Variants in KIAA0825 observed in about 807,000 individuals in gnomAD.
The protein encoded by KIAA0825 is KIAA0825, also known as uncharacterized protein KIAA0825.
Under a neutral mutation model 147.6 loss-of-function variants are expected in KIAA0825, and 119 were observed. The observed-to-expected ratio is 0.81, with a 90% CI of 0.69 to 0.94. The LOEUF is 0.94. Ranked by LOEUF, KIAA0825 falls within the 40% of genes least tolerant of loss-of-function variation. KIAA0825 has a pLI of 0.00. For synonymous variants in KIAA0825, 470 were observed against 518.1 expected, an observed-to-expected ratio of 0.91 and a Z score of 1.26; for missense variants, 1,381 against 1,472.7, an observed-to-expected ratio of 0.94 and a Z score of 1.02.
chr5:94,422,972 C>CT (rs1208886265), intron 14 of KIAA0825, among the ~76,000 whole-genome samples: 1 of 152,188 alleles, frequency 6.6e-6, no homozygotes, highest in Admixed American at 6.6e-5. Context: ...AGTGACTCAT[C>CT]TGAGTGTTGA....
At chr5:94,188,317 T>C (rs940654946) in intron 20 of KIAA0825, among the ~76,000 whole-genome samples, 1 of 152,230 alleles carries the variant, frequency 6.6e-6, no homozygotes, top group African/African-American at 2.4e-5. Flanking sequence ...TTATTGTAAT[T>C]TGTAAGTATT....
chr5:94,166,432 G>T (rs956336637), intron 20 of KIAA0825, among the ~76,000 whole-genome samples: 1 of 151,138 alleles, frequency 6.6e-6, no homozygotes, highest in Non-Finnish European at 1.5e-5. Flanking sequence ...CGTAATTCAG[G>T]TATTTCTTCC....
chr5:94,492,115 TC>T lies in KIAA0825; in HGVS notation c.971-7186del, dbSNP rs148945698. On this transcript the variant is annotated intron_variant, in intron 5 of 20. Transcript: ENST00000682413. ...GGACTCCTCCTCCTCTCTCTGTCTT[TC>T]CCCACTTCTGGTGTCGCCATCCCAC... Among the ~76,000 whole-genome samples the T allele has an allele frequency of 4.9e-3, 748 of 152,334 alleles. 9 individuals carry two copies. Among genetic ancestry groups the T allele is most frequent in the African/African-American group, 0.017 (686 of 41,572 alleles).
intron 20 of KIAA0825, among the ~76,000 whole-genome samples, chr5:94,344,396 A>G (rs756709557): frequency 6.6e-6 from 1 of 152,256 alleles, no homozygotes; most frequent in Admixed American, 6.5e-5. Flanking sequence ...CAAATCTACA[A>G]TGAAAACACA....
intron 2 of KIAA0825, among the ~76,000 whole-genome samples, chr5:94,554,074 A>G (rs1347562064): frequency 6.6e-6 from 1 of 152,238 alleles, no homozygotes; most frequent in East Asian, 1.9e-4. Context: ...TTGTGAAAAA[A>G]TAAAATGTGC....
chr5:94,298,717 A>G (rs1778252225), intron 20 of KIAA0825, among the ~76,000 whole-genome samples: 1 of 152,210 alleles, frequency 6.6e-6, no homozygotes, highest in Non-Finnish European at 1.5e-5. Flanking sequence ...GAATCTATAG[A>G]ATTGCCAAAA....
intron 2 of KIAA0825, among the ~76,000 whole-genome samples, chr5:94,575,258 T>C (rs1780781234): frequency 6.6e-6 from 1 of 151,602 alleles, no homozygotes; most frequent in Non-Finnish European, 1.5e-5. Context: ...GGTGTTAAGA[T>C]GGTTTGGTGT....
intron 20 of KIAA0825, among the ~76,000 whole-genome samples, chr5:94,339,756 AC>A (rs1257938821): frequency 6.6e-6 from 1 of 152,192 alleles, no homozygotes; most frequent in Non-Finnish European, 1.5e-5. Context: ...CAAACCTTAT[AC>A]AATTAGGACA....
chr5:94,589,499 T>C (rs1256862226), intron 1 of KIAA0825, among the ~76,000 whole-genome samples: 2 of 152,224 alleles, frequency 1.3e-5, no homozygotes, highest in African/African-American at 4.8e-5. Flanking sequence ...TCTATCAAAG[T>C]TGGGCAAATG....
intron 2 of KIAA0825, among the ~76,000 whole-genome samples, chr5:94,562,516 C>G (rs1198738293): frequency 2.0e-5 from 3 of 152,162 alleles, no homozygotes; most frequent in Non-Finnish European, 4.4e-5. Flanking sequence ...TTTTAATAAT[C>G]CCTGTCAAAC....
At chr5:94,597,592 A>G (rs1489202691) in intron 1 of KIAA0825, among the ~76,000 whole-genome samples, 4 of 152,180 alleles carry the variant, frequency 2.6e-5, no homozygotes, top group African/African-American at 9.7e-5. Context: ...TGACAGTACT[A>G]CCCTGATATC....
intron 20 of KIAA0825, among the ~76,000 whole-genome samples, chr5:94,251,784 T>G (rs1355146807): frequency 2.0e-5 from 3 of 152,058 alleles, no homozygotes; most frequent in African/African-American, 7.2e-5. Flanking sequence ...AGAAATAATG[T>G]AATACAGTGC....
chr5:94,566,072 C>G (rs369446762), intron 2 of KIAA0825, among the ~76,000 whole-genome samples: 6 of 152,266 alleles, frequency 3.9e-5, no homozygotes, highest in African/African-American at 1.4e-4. Context: ...TAATGTCCTC[C>G]AGGTTCATCC....
chr5:94,472,684 C>G (rs1761368228), intron 8 of KIAA0825, among the ~76,000 whole-genome samples: 1 of 152,110 alleles, frequency 6.6e-6, no homozygotes, highest in African/African-American at 2.4e-5. Flanking sequence ...GCGGAGCTTG[C>G]AGTGAGCCGA....
intron 2 of KIAA0825, chr5:94,569,635 C>A: frequency 2.8e-6 from 1 of 361,488 alleles, no homozygotes; most frequent in Non-Finnish European, 5.2e-6. Context: ...CATGATGAAA[C>A]CTCGGCTCAC....
At chr5:94,165,729 G>A (rs1443308990) in intron 20 of KIAA0825, among the ~76,000 whole-genome samples, 1 of 152,162 alleles carries the variant, frequency 6.6e-6, no homozygotes, top group African/African-American at 2.4e-5. Context: ...AGATCATTAT[G>A]TTAAGTGAAA....
At chr5:94,608,948 G>A (rs1247311962) in intron 1 of KIAA0825, among the ~76,000 whole-genome samples, 1 of 151,968 alleles carries the variant, frequency 6.6e-6, no homozygotes, top group Admixed American at 6.6e-5. Context: ...TTTCCAAAAG[G>A]CTGGTATATT....
intron 1 of KIAA0825, among the ~76,000 whole-genome samples, chr5:94,607,990 T>C (rs1390629951): frequency 6.6e-6 from 1 of 152,146 alleles, no homozygotes; most frequent in Non-Finnish European, 1.5e-5. Flanking sequence ...GTAATTACAT[T>C]GAGACAACTT....
chr5:94,242,576 T>A (rs1198177686), intron 20 of KIAA0825, among the ~76,000 whole-genome samples: 1 of 151,814 alleles, frequency 6.6e-6, no homozygotes, highest in East Asian at 1.9e-4. Flanking sequence ...CTTCCTTCCT[T>A]CCTTTTTTTC....
Sources: allele counts gnomAD v4.1 joint callset (sites outside exome capture counted in the v4.1 genomes callset), GRCh38; gene constraint gnomAD v4.1.1; transcripts MANE v1.5; gene names NCBI Gene and HGNC (gene_info 2026-07-23, HGNC 2026-07-21).